Variants in FARP1 observed in about 807,000 individuals in gnomAD.
FARP1 encodes the protein FERM, ARHGEF and pleckstrin domain-containing protein 1.
A neutral mutation model predicts 128.8 loss-of-function variants in FARP1; 52 were observed. The ratio of observed to expected loss-of-function variants is 0.40; its 90% CI spans 0.32 to 0.51. The LOEUF (loss-of-function observed/expected upper bound fraction) is 0.51. Among genes scored for constraint, FARP1 ranks in the 20% least tolerant of loss-of-function variants. The probability of loss-of-function intolerance (pLI) is 0.45; values close to 1 mark genes in which losing one functional copy is unlikely to be tolerated. For synonymous variants in FARP1, 580 were observed against 551.8 expected, an observed-to-expected ratio of 1.05 and a Z score of -0.72; for missense variants, 1,333 against 1,367.9, an observed-to-expected ratio of 0.97 and a Z score of 0.40.
intron 2 of FARP1, among the ~76,000 whole-genome samples, chr13:98,308,124 T>C (rs954561679): frequency 8.0e-5 from 12 of 149,822 alleles, no homozygotes; most frequent in Non-Finnish European, 1.8e-4. Flanking sequence ...TATCCTAGCC[T>C]TTTTTCCTCC....
intron 1 of FARP1, among the ~76,000 whole-genome samples, chr13:98,208,106 C>G (rs1412293164): frequency 6.6e-6 from 1 of 152,028 alleles, no homozygotes; most frequent in Admixed American, 6.6e-5. Flanking sequence ...ATCACACAAC[C>G]AAACAGATTA....
At chr13:98,382,052 G>A (rs1275584967) in intron 6 of FARP1, among the ~76,000 whole-genome samples, 2 of 147,218 alleles carry the variant, frequency 1.4e-5, no homozygotes, top group Non-Finnish European at 2.9e-5. Context: ...GTGAGAGCCT[G>A]TCTCTACTCA....
chr13:98,413,549 A>G, intron 16 of FARP1, among the ~76,000 whole-genome samples: 1 of 152,122 alleles, frequency 6.6e-6, no homozygotes, highest in East Asian at 1.9e-4. Flanking sequence ...GGTCCCAGCT[A>G]CTGGAGAGGC....
In FARP1 at chr13:98,451,607, A is replaced by G. The variant is rs1893195638; in HGVS notation, c.*3290A>G. On this transcript the variant is annotated 3_prime_UTR_variant, in exon 27 of 27. Transcript: ENST00000319562. The stretch of plus-strand genomic sequence containing the variant: ...CCCTCCCTATAGCTTAGAGGCCACT[A>G]GACCAGCAGATAGCTGAGCTACATC... 1 of 152,218 alleles carries G rather than the reference A, an allele frequency of 6.6e-6. No individual in the cohort carries two copies. The highest frequency in any genetic ancestry group is 2.1e-4 in the South Asian group (1 of 4,824). 9.4% of individuals were successfully genotyped at this position (152,218 alleles called of 1,614,324 possible).
At chr13:98,335,511 GGAATCTACAATTCAAGATGAGATT>G (rs1345457422) in intron 2 of FARP1, among the ~76,000 whole-genome samples, 3 of 152,094 alleles carry the variant, frequency 2.0e-5, no homozygotes, top group Non-Finnish European at 4.4e-5. Flanking sequence ...ACAACACATG[GGAATCTACAATTCAAGATGAGATT>G]GAATCTACAG....
In FARP1 at chr13:98,390,888, A is replaced by G; in HGVS notation, c.1088+8A>G. The G allele has an allele frequency of 6.3e-7, 1 of 1,593,974 alleles. No homozygotes were observed. Among genetic ancestry groups the G allele is most frequent in the South Asian group, 1.1e-5 (1 of 90,520 alleles). On this transcript the variant is annotated splice_region_variant and intron_variant, in intron 11 of 26. Coordinates refer to ENST00000319562, the MANE Select transcript of FARP1 (RefSeq NM_005766.4). ...GAAGGTGCAGTTTGAAAGGTAAGAG[A>G]AGCTTCAATGCTACTTCCAGTCTGA... is the stretch of plus-strand genomic sequence containing the variant.
intron 24 of FARP1, among the ~76,000 whole-genome samples, chr13:98,442,598 A>G (rs1892569984): frequency 6.6e-6 from 1 of 152,176 alleles, no homozygotes; most frequent in African/African-American, 2.4e-5. Context: ...AAGAGCACTA[A>G]ACATTCTTCC....
chr13:98,363,529 C>G (rs1186473412), intron 3 of FARP1, among the ~76,000 whole-genome samples: 4 of 152,174 alleles, frequency 2.6e-5, no homozygotes, highest in Admixed American at 2.6e-4. Flanking sequence ...GGGCTGCCTC[C>G]TTTATCTGAC....
At chr13:98,437,557 G>GT (rs2139097439) in intron 19 of FARP1, among the ~76,000 whole-genome samples, 1 of 152,294 alleles carries the variant, frequency 6.6e-6, no homozygotes, top group African/African-American at 2.4e-5. Context: ...TGTCTGTGCT[G>GT]TGTGCCCAGG....
chr13:98,349,458 G>A (rs1773761488), intron 3 of FARP1, among the ~76,000 whole-genome samples: 1 of 151,992 alleles, frequency 6.6e-6, no homozygotes, highest in African/African-American at 2.4e-5. Flanking sequence ...GATCACTTGA[G>A]GTCAGGTGAT....
intron 5 of FARP1, among the ~76,000 whole-genome samples, chr13:98,373,379 C>T (rs1343985169): frequency 2.6e-5 from 4 of 152,048 alleles, no homozygotes; most frequent in Non-Finnish European, 5.9e-5. Flanking sequence ...AATGAAAAAC[C>T]GATTAGAAAT....
At chr13:98,212,428 CAGCCACAGCA>C (rs1880780504) in intron 1 of FARP1, among the ~76,000 whole-genome samples, 1 of 152,164 alleles carries the variant, frequency 6.6e-6, no homozygotes, top group Admixed American at 6.5e-5. Flanking sequence ...GCAAAGCACT[CAGCCACAGCA>C]AGCCACGCAT....
intron 5 of FARP1, among the ~76,000 whole-genome samples, chr13:98,374,960 C>T (rs938166511): frequency 6.6e-6 from 1 of 152,164 alleles, no homozygotes; most frequent in African/African-American, 2.4e-5. Flanking sequence ...CACTCACCCC[C>T]AAGGGAGGTT....
chr13:98,437,082 C>T (rs573460715), intron 19 of FARP1, among the ~76,000 whole-genome samples: 45 of 152,264 alleles, frequency 3.0e-4, no homozygotes, highest in Non-Finnish European at 6.0e-4. Flanking sequence ...GAGATTTGCT[C>T]TGTGAAAATG....
intron 2 of FARP1, among the ~76,000 whole-genome samples, chr13:98,266,952 T>G (rs1243646464): frequency 7.2e-6 from 1 of 139,328 alleles, no homozygotes; most frequent in Non-Finnish European, 1.5e-5. Flanking sequence ...AGGTGGAGGT[T>G]GCAGTGAGCC....
chr13:98,145,962 G>GT (rs906042388), intron 1 of FARP1, among the ~76,000 whole-genome samples: 21 of 151,732 alleles, frequency 1.4e-4, no homozygotes, highest in South Asian at 8.3e-4. Flanking sequence ...GAAAGGGTTA[G>GT]TTTTTTTTAA....
At chr13:98,321,749 A>G (rs1304292899) in intron 2 of FARP1, among the ~76,000 whole-genome samples, 5 of 152,234 alleles carry the variant, frequency 3.3e-5, no homozygotes, top group East Asian at 1.9e-4. Flanking sequence ...AAAGAAAACC[A>G]TAGCTCTTTG....
chr13:98,430,489 C>G (rs1891968893), intron 17 of FARP1, among the ~76,000 whole-genome samples: 1 of 152,150 alleles, frequency 6.6e-6, no homozygotes, highest in African/African-American at 2.4e-5. Context: ...TTACTCTGTC[C>G]CCATCCCCAC....
intron 3 of FARP1, among the ~76,000 whole-genome samples, chr13:98,351,482 G>A (rs1313902072): frequency 6.6e-6 from 1 of 152,134 alleles, no homozygotes; most frequent in African/African-American, 2.4e-5. Context: ...CGTGGTGGCA[G>A]GCGCCTGTAG....
Sources: gnomAD v4.1 joint callset for allele counts (sites outside exome capture counted in the v4.1 genomes callset) on GRCh38, gnomAD v4.1.1 for gene constraint, MANE v1.5 for transcripts, NCBI Gene and HGNC (gene_info 2026-07-23, HGNC 2026-07-21) for gene names.